STAU2: variants seen among roughly 807,000 people sequenced by gnomAD.
STAU2 encodes the protein double-stranded RNA-binding protein Staufen homolog 2.
STAU2 carries 20 observed loss-of-function variants against 65.9 expected under a neutral mutation model. The observed-to-expected ratio is 0.30, with a 90% CI of 0.21 to 0.44. The LOEUF (loss-of-function observed/expected upper bound fraction) is 0.44. Among genes scored for constraint, STAU2 ranks in the 20% least tolerant of loss-of-function variants. STAU2 has a pLI of 1.00. For synonymous variants in STAU2, 232 were observed against 233.9 expected (o/e 0.99, Z 0.07); for missense variants, 558 against 683.9 (o/e 0.82, Z 2.05).
chr8:73,667,752 T>C (rs995870491), intron 6 of STAU2, among the ~76,000 whole-genome samples: 13 of 152,330 alleles, frequency 8.5e-5, no homozygotes, highest in African/African-American at 3.1e-4. Flanking sequence ...TGAGTAGGCA[T>C]GCAATAAATG....
chr8:73,720,249 C>T (rs373787279), intron 3 of STAU2, among the ~76,000 whole-genome samples: 2 of 140,390 alleles, frequency 1.4e-5, no homozygotes, highest in East Asian at 2.2e-4. Flanking sequence ...CCAGCCTGGG[C>T]GACAGAGTGA....
intron 13 of STAU2, among the ~76,000 whole-genome samples, chr8:73,502,416 T>C (rs1255351012): frequency 6.6e-6 from 1 of 151,998 alleles, no homozygotes; most frequent in Non-Finnish European, 1.5e-5. Context: ...GTCATCCTAG[T>C]GTCCAAGATG....
chr8:73,556,606 A>C (rs565229165), intron 12 of STAU2, among the ~76,000 whole-genome samples: 2 of 152,242 alleles, frequency 1.3e-5, no homozygotes, highest in Admixed American at 1.3e-4. Context: ...AAATACAAAA[A>C]ATTAGCTGGA....
intron 6 of STAU2, among the ~76,000 whole-genome samples, chr8:73,624,271 G>A (rs1813480369): frequency 6.6e-6 from 1 of 152,130 alleles, no homozygotes; most frequent in Non-Finnish European, 1.5e-5. Flanking sequence ...AAGAGAATAA[G>A]TAACTTGTAC....
chr8:73,710,222 T>G (rs1302285509), intron 3 of STAU2, among the ~76,000 whole-genome samples: 1 of 152,060 alleles, frequency 6.6e-6, no homozygotes, highest in Non-Finnish European at 1.5e-5. Flanking sequence ...ATTATTGTTC[T>G]TTGCATATTT....
chr8:73,514,550 T>C (rs1172482956), intron 13 of STAU2, among the ~76,000 whole-genome samples: 1 of 152,236 alleles, frequency 6.6e-6, no homozygotes, highest in African/African-American at 2.4e-5. Context: ...TTCTACCTTT[T>C]CTCATGCTGT....
intron 12 of STAU2, among the ~76,000 whole-genome samples, chr8:73,563,393 C>G (rs1208487302): frequency 1.3e-5 from 2 of 152,196 alleles, no homozygotes; most frequent in African/African-American, 2.4e-5. Flanking sequence ...AAGGTCACCT[C>G]ACTATGGTGT....
At chr8:73,554,498 T>C (rs1233840837) in intron 12 of STAU2, among the ~76,000 whole-genome samples, 15 of 152,192 alleles carry the variant, frequency 9.9e-5, no homozygotes, top group Non-Finnish European at 1.5e-5. Context: ...AGAAAGAAGC[T>C]GGGAGCTGGG....
intron 6 of STAU2, among the ~76,000 whole-genome samples, chr8:73,656,073 G>C (rs550982880): frequency 6.6e-6 from 1 of 152,156 alleles, no homozygotes; most frequent in Non-Finnish European, 1.5e-5. Context: ...ATGAGTCACC[G>C]TGCCAGGCCA....
chr8:73,506,746 C>T (rs1822092130), intron 13 of STAU2, among the ~76,000 whole-genome samples: 1 of 152,150 alleles, frequency 6.6e-6, no homozygotes. Context: ...GTATGCAATG[C>T]TGTTTGATAA....
Position 73,597,498 on chromosome 8 carries a change from C to CA in STAU2, c.1030-2202dup, listed in dbSNP as rs1259337727. Among the ~76,000 whole-genome samples, 779 of 115,604 alleles carry CA rather than the reference C, an allele frequency of 6.7e-3. 13 individuals are homozygous for CA. Among genetic ancestry groups the CA allele is most frequent in the East Asian group, 0.022 (89 of 4,128 alleles). The allele number at this position is 115,604 out of a possible 152,430, so 75.8% of individuals were successfully genotyped here. A position where few individuals can be genotyped will look rare whatever the true frequency, so the allele number is the denominator to read the frequency against. Reference sequence around the variant, plus strand: ...GTGAAACCCTGTCTTACTAAAAATACAAAAATAAAAAAAAAAAAAAAATTA... The same window carrying CA: ...GTGAAACCCTGTCTTACTAAAAATACAAAAAATAAAAAAAAAAAAAAAATTA... On this transcript the variant is annotated intron_variant, in intron 10 of 14. Coordinates refer to ENST00000524300, the MANE Select transcript of STAU2 (RefSeq NM_001164380.2).
chr8:73,523,210 A>G lies in STAU2; in HGVS notation c.1530+28802T>C, dbSNP rs5892426. On this transcript the variant is annotated intron_variant, in intron 13 of 14. Coordinates refer to ENST00000524300, the MANE Select transcript of STAU2 (RefSeq NM_001164380.2). Reference sequence around the variant, plus strand: ...GACTTTGTCTCCAAAAAAAAAAAAAAAAAAAAAAAGAAAAGTCTGAAGCAG... The same window carrying G: ...GACTTTGTCTCCAAAAAAAAAAAAAGAAAAAAAAAGAAAAGTCTGAAGCAG... Among the ~76,000 whole-genome samples, 112 of 145,454 alleles carry G rather than the reference A, an allele frequency of 7.7e-4. 3 individuals carry two copies. The highest frequency in any genetic ancestry group is 8.9e-4 in the Non-Finnish European group (59 of 66,628).
chr8:73,746,942 C>T, upstream of STAU2: 2 of 893,698 alleles, frequency 2.2e-6, no homozygotes, highest in South Asian at 4.9e-5. Context: ...CGCCCTCCCG[C>T]GCTCGCGCCG....
intron 3 of STAU2, among the ~76,000 whole-genome samples, chr8:73,712,082 A>G (rs1216098580): frequency 6.6e-6 from 1 of 152,186 alleles, no homozygotes; most frequent in African/African-American, 2.4e-5. Flanking sequence ...TGAGACACAT[A>G]AAAAAGTTAT....
At chr8:73,516,660 T>C (rs1822744018) in intron 13 of STAU2, among the ~76,000 whole-genome samples, 1 of 152,200 alleles carries the variant, frequency 6.6e-6, no homozygotes, top group Non-Finnish European at 1.5e-5. Flanking sequence ...GAGGCATGAC[T>C]TAATTGAAGG....
intron 6 of STAU2, among the ~76,000 whole-genome samples, chr8:73,624,771 G>A (rs1247001763): frequency 6.6e-6 from 1 of 152,180 alleles, no homozygotes; most frequent in Non-Finnish European, 1.5e-5. Context: ...GCTGGACTGG[G>A]AATATCAAAG....
rs564416342 is a variant in STAU2 at position 73,544,904 on chromosome 8, T to C, written c.1530+7108A>G. On this transcript the variant is annotated intron_variant, in intron 13 of 14. Coordinates refer to ENST00000524300, the MANE Select transcript of STAU2 (RefSeq NM_001164380.2). ...TATCTTCTTCTGCATATTGATTTTA[T>C]TTGCCTGTCAGTCTCCAACTTGACC... 1.5e-4 allele frequency among the ~76,000 whole-genome samples: 23 copies of C among 152,340 alleles called. 1 individual carries two copies. The highest frequency in any genetic ancestry group is 1.4e-3 in the Admixed American group (22 of 15,294).
intron 6 of STAU2, among the ~76,000 whole-genome samples, chr8:73,647,490 G>A (rs968173229): frequency 1.3e-5 from 2 of 152,190 alleles, no homozygotes; most frequent in African/African-American, 4.8e-5. Context: ...GGTTGCCAAG[G>A]GCTAGAGATA....
At chr8:73,540,229 A>C (rs1215577306) in intron 13 of STAU2, among the ~76,000 whole-genome samples, 1 of 152,220 alleles carries the variant, frequency 6.6e-6, no homozygotes, top group African/African-American at 2.4e-5. Flanking sequence ...TCTAATAACA[A>C]GTCCCCTTAT....
Sources: gnomAD v4.1 joint callset for allele counts (sites outside exome capture counted in the v4.1 genomes callset) on GRCh38, gnomAD v4.1.1 for gene constraint, MANE v1.5 for transcripts, NCBI Gene and HGNC (gene_info 2026-07-23, HGNC 2026-07-21) for gene names.